Variants in PCDHGA3 observed in about 807,000 individuals in gnomAD.
PCDHGA3 encodes protocadherin gamma-A3.
A neutral mutation model predicts 58.5 loss-of-function variants in PCDHGA3; 40 were observed. That is an observed-to-expected ratio of 0.68 (90% CI 0.53 to 0.89). The LOEUF is 0.89. Ranked by LOEUF, PCDHGA3 falls within the 40% of genes least tolerant of loss-of-function variation. The pLI is 0.00. For synonymous variants in PCDHGA3, 530 were observed against 525.7 expected (o/e 1.01, Z -0.11); for missense variants, 1,223 against 1,195.9 (o/e 1.02, Z -0.33).
chr5:141,428,052 G>A (rs750852525), intron 1 of PCDHGA3: 6 of 1,608,992 alleles, frequency 3.7e-6, no homozygotes, highest in East Asian at 4.5e-5. Context: ...GACCAAGGTG[G>A]TGGCGGTGGA....
chr5:141,399,396 G>A (rs2093799031), intron 1 of PCDHGA3: 1 of 1,613,842 alleles, frequency 6.2e-7, no homozygotes, highest in African/African-American at 1.3e-5. Flanking sequence ...CCACAGACAG[G>A]GGCAAGCCGC....
At chr5:141,403,704 T>C (rs1207597755) in intron 1 of PCDHGA3, 2 of 1,613,846 alleles carry the variant, frequency 1.2e-6, no homozygotes, top group East Asian at 4.5e-5. Context: ...CGAGTTAAAG[T>C]CCTTGAGAAC....
chr5:141,374,885 G>C, intron 1 of PCDHGA3: 1 of 1,613,634 alleles, frequency 6.2e-7, no homozygotes, highest in Non-Finnish European at 8.5e-7. Flanking sequence ...GACTGCCACC[G>C]ACCAGGATGA....
intron 1 of PCDHGA3, chr5:141,422,676 A>G (rs1245488589): frequency 1.2e-6 from 2 of 1,606,500 alleles, no homozygotes; most frequent in East Asian, 4.5e-5. Flanking sequence ...CGGACAGCAA[A>G]CAGAATGCCC....
At chr5:141,420,006 G>T in intron 1 of PCDHGA3, 1 of 1,614,052 alleles carries the variant, frequency 6.2e-7, no homozygotes, top group Non-Finnish European at 8.5e-7. Flanking sequence ...CTACGCCTGC[G>T]ACAGTCTTTC....
At position 141,505,908 on chromosome 5, in the gene PCDHGA3, T is replaced by C. The variant is rs114551975; in HGVS notation, c.2572+427T>C. On this transcript the variant is annotated intron_variant, in intron 3 of 3. Coordinates refer to ENST00000253812, the MANE Select transcript of PCDHGA3 (RefSeq NM_018916.4). ...TTAAATGAGATGATACCACAAAGCATAGAGTTCTGGGCCTGGCGCTTGGAA... is the reference window on the plus strand; with the variant it reads ...TTAAATGAGATGATACCACAAAGCACAGAGTTCTGGGCCTGGCGCTTGGAA... 4.0e-3 allele frequency among the ~76,000 whole-genome samples: 608 copies of C among 152,218 alleles called. 3 individuals are homozygous for C. The highest frequency in any genetic ancestry group is 0.013 in the African/African-American group (551 of 41,540).
At chr5:141,350,332 C>T (rs774589363) in intron 1 of PCDHGA3, 1 of 1,537,558 alleles carries the variant, frequency 6.5e-7, no homozygotes, top group Non-Finnish European at 8.7e-7. Flanking sequence ...CTTTGTTCTG[C>T]GGGGCCATCT....
chr5:141,384,827 T>A lies in PCDHGA3; in HGVS notation c.2424+38370T>A, dbSNP rs182404532. ...AGAGATGCCCTCAAGCAGAGCCTCG[T>A]GGTGGCCGTCCAGGACCACGGTCAG... On this transcript the variant is annotated intron_variant, in intron 1 of 3. Transcript: ENST00000253812. The A allele has an allele frequency of 2.2e-4, 348 of 1,613,356 alleles. No individual in the cohort carries two copies. The highest frequency in any genetic ancestry group is 2.5e-4 in the Non-Finnish European group (296 of 1,179,908).
chr5:141,503,304 A>G (rs946582779), intron 2 of PCDHGA3, among the ~76,000 whole-genome samples: 1 of 152,150 alleles, frequency 6.6e-6, no homozygotes, highest in African/African-American at 2.4e-5. Flanking sequence ...ATTGCTCAAG[A>G]AAGAATTGTT....
intron 1 of PCDHGA3, chr5:141,366,800 C>G (rs1243230147): frequency 1.3e-6 from 2 of 1,565,118 alleles, no homozygotes; most frequent in African/African-American, 2.7e-5. Flanking sequence ...TCATTTGTTT[C>G]CTTTTTCATG....
chr5:141,453,101 T>TTTCTG (rs1554138035), intron 1 of PCDHGA3, among the ~76,000 whole-genome samples: 1 of 152,012 alleles, frequency 6.6e-6, no homozygotes, highest in Non-Finnish European at 1.5e-5. Context: ...TTCTGTTGCT[T>TTTCTG]TTTTGTTTTG....
rs756706355 is a variant in PCDHGA3 at position 141,486,950 on chromosome 5, G to A, written c.2425-7857G>A. On this transcript the variant is annotated intron_variant, in intron 1 of 3. Transcript: ENST00000253812. This position sits in a 1 kb window ranked among gnomAD's most constrained non-coding sequence, Gnocchi z 5.0. The stretch of plus-strand genomic sequence containing the variant: ...TGGTGCTGGCCACCTAATCACAAAG[G>A]TGACTGCTGTGGACTTGGATTCAGG... 2 of 1,614,202 alleles carry A rather than the reference G, an allele frequency of 1.2e-6. No homozygotes were observed. The highest frequency in any genetic ancestry group is 1.7e-6 in the Non-Finnish European group (2 of 1,180,044).
rs746903142 is a variant in PCDHGA3, at chr5:141,491,667, G to T, written c.2425-3140G>T. ...TGGCGCTGGAGCCTGACGCCATCCG[G>T]TCCCGCTCTAATACGCTGCGGGAGC... On this transcript the variant is annotated intron_variant, in intron 1 of 3. Coordinates refer to ENST00000253812, the MANE Select transcript of PCDHGA3 (RefSeq NM_018916.4). The surrounding 1 kb of genome is among the most constrained non-coding windows in gnomAD (Gnocchi z 6.9). 1.9e-6 allele frequency: 3 copies of T among 1,613,794 alleles called. No individual in the cohort carries two copies. Among genetic ancestry groups the T allele is most frequent in the Admixed American group, 1.7e-5 (1 of 60,032 alleles).
chr5:141,374,295 G>A (rs758241355), intron 1 of PCDHGA3: 3 of 1,613,962 alleles, frequency 1.9e-6, no homozygotes, highest in East Asian at 2.2e-5. Context: ...TCCAGAGGTA[G>A]GATGCAGCTT....
At chr5:141,354,638 T>C (rs1759597107) in intron 1 of PCDHGA3, among the ~76,000 whole-genome samples, 2 of 152,218 alleles carry the variant, frequency 1.3e-5, no homozygotes, top group South Asian at 4.1e-4. Flanking sequence ...ATCTGTCTCA[T>C]CCATTTTTCA....
intron 2 of PCDHGA3, among the ~76,000 whole-genome samples, chr5:141,498,945 G>C (rs1421135706): frequency 8.0e-6 from 1 of 125,434 alleles, no homozygotes; most frequent in Non-Finnish European, 1.6e-5. Context: ...AAGAAAGAAA[G>C]AAAAAGAGAG....
intron 1 of PCDHGA3, chr5:141,418,035 T>C: frequency 6.2e-7 from 1 of 1,614,000 alleles, no homozygotes; most frequent in Non-Finnish European, 8.5e-7. Context: ...CTTAGTGTCC[T>C]GGATGTGTCG....
intron 1 of PCDHGA3, chr5:141,375,470 GAAAACA>G (rs1452346510): frequency 6.2e-7 from 1 of 1,613,784 alleles, no homozygotes; most frequent in Admixed American, 1.7e-5. Context: ...CTATGTCCTT[GAAAACA>G]ACCCCAGGGG....
intron 1 of PCDHGA3, chr5:141,395,364 AT>A: frequency 1.6e-6 from 2 of 1,264,440 alleles, no homozygotes; most frequent in Non-Finnish European, 2.1e-6. Context: ...TTTTGGGTTT[AT>A]TTTGGTGGTG....
Sources: gnomAD v4.1 joint callset for allele counts (sites outside exome capture counted in the v4.1 genomes callset) on GRCh38, gnomAD v4.1.1 for gene constraint, Gnocchi (gnomAD v3.1) non-coding constraint, MANE v1.5 for transcripts, NCBI Gene and HGNC (gene_info 2026-07-23, HGNC 2026-07-21) for gene names.